Variants in INSL6 observed in about 807,000 individuals in gnomAD.
INSL6 encodes the protein insulin-like peptide INSL6.
A neutral mutation model predicts 9.4 loss-of-function variants in INSL6; 16 were observed. The ratio of observed to expected loss-of-function variants is 1.70; its 90% CI spans 1.15 to 2.59. The LOEUF (loss-of-function observed/expected upper bound fraction) is 2.59, where lower values mean the gene tolerates loss of function less well. Ranked by LOEUF, INSL6 falls within the 30% of genes most tolerant of loss-of-function variation. INSL6 has a pLI of 0.00. For synonymous variants in INSL6, 154 were observed against 96.9 expected (o/e 1.59, Z -3.46); for missense variants, 391 against 257.3 (o/e 1.52, Z -3.56).
the INSL6 span, among the ~76,000 whole-genome samples, chr9:5,013,338 C>A: frequency 6.6e-5 from 10 of 152,282 alleles, 1 homozygote; most frequent in East Asian, 1.3e-3. Context: ...CATAGTATAT[C>A]TACTTGGACT....
chr9:5,056,813 T>A, the INSL6 span, among the ~76,000 whole-genome samples: 1 of 152,202 alleles, frequency 6.6e-6, no homozygotes, highest in Non-Finnish European at 1.5e-5. Flanking sequence ...AAAGAACTTC[T>A]CCATGGGACT....
the INSL6 span, chr9:5,110,799 C>T: frequency 1.4e-5 from 6 of 415,024 alleles, no homozygotes; most frequent in East Asian, 5.7e-5. Flanking sequence ...CCACGCGCGA[C>T]GCCTGGGGGC....
chr9:5,003,149 G>T, the INSL6 span, among the ~76,000 whole-genome samples: 1 of 151,866 alleles, frequency 6.6e-6, no homozygotes, highest in East Asian at 1.9e-4. Context: ...AAATCTTGAT[G>T]TCTGATAATA....
chr9:5,065,068 T>G, the INSL6 span: 4 of 1,450,788 alleles, frequency 2.8e-6, no homozygotes, highest in Non-Finnish European at 2.8e-6. Flanking sequence ...AAAAGTAAAT[T>G]TTTAGAAAAG....
At chr9:5,039,896 T>G in the INSL6 span, among the ~76,000 whole-genome samples, 1 of 152,208 alleles carries the variant, frequency 6.6e-6, no homozygotes, top group Non-Finnish European at 1.5e-5. Flanking sequence ...CCTTAATTGA[T>G]CTGTATGTTC....
the INSL6 span, chr9:5,029,741 GT>G: frequency 6.4e-7 from 1 of 1,552,824 alleles, no homozygotes; most frequent in Admixed American, 1.9e-5. Context: ...AAAATATTCT[GT>G]TGTGTACCTT....
intron 2 of INSL6, among the ~76,000 whole-genome samples, chr9:5,149,290 T>C (rs1470784393): frequency 1.3e-5 from 2 of 152,208 alleles, no homozygotes; most frequent in Non-Finnish European, 2.9e-5. Flanking sequence ...TCAGCAACTG[T>C]ATCTTTTTTC....
intron 1 of INSL6, among the ~76,000 whole-genome samples, chr9:5,164,974 G>A (rs1294807145): frequency 6.6e-6 from 1 of 152,202 alleles, no homozygotes; most frequent in African/African-American, 2.4e-5. Context: ...CTGGGAGGCC[G>A]AGGCGGGCGG....
At chr9:5,176,106 C>A (rs1428061734) in intron 1 of INSL6, among the ~76,000 whole-genome samples, 4 of 152,130 alleles carry the variant, frequency 2.6e-5, no homozygotes, top group Admixed American at 2.6e-4. Context: ...CTACTACTTT[C>A]CTCATTTTCT....
At chr9:5,083,509 G>T in the INSL6 span, among the ~76,000 whole-genome samples, 1 of 152,100 alleles carries the variant, frequency 6.6e-6, no homozygotes, top group Admixed American at 6.5e-5. Context: ...GGAACTTATA[G>T]CATTTATTGT....
the INSL6 span, among the ~76,000 whole-genome samples, chr9:5,101,446 G>A: frequency 6.6e-6 from 1 of 152,366 alleles, no homozygotes; most frequent in Admixed American, 6.5e-5. Context: ...CCACACCTCT[G>A]GGGGCAGGGC....
intron 1 of INSL6, among the ~76,000 whole-genome samples, chr9:5,184,567 A>T (rs1825527445): frequency 6.6e-6 from 1 of 152,220 alleles, no homozygotes; most frequent in African/African-American, 2.4e-5. Flanking sequence ...ATATGCATGA[A>T]ATAGTCCCTA....
the INSL6 span, among the ~76,000 whole-genome samples, chr9:5,066,328 A>G: frequency 6.6e-6 from 1 of 152,130 alleles, no homozygotes. Context: ...TTTCTGATAT[A>G]TAATCTTTAT....
chr9:5,159,946 G>T (rs1166199865), downstream of INSL6, among the ~76,000 whole-genome samples: 1 of 152,160 alleles, frequency 6.6e-6, no homozygotes, highest in Admixed American at 6.5e-5. Context: ...AGGCCAGGGC[G>T]GGTGGATCAC....
the INSL6 span, among the ~76,000 whole-genome samples, chr9:5,079,027 G>A: frequency 4.6e-5 from 7 of 152,268 alleles, no homozygotes; most frequent in African/African-American, 1.7e-4. Context: ...CTAATTGGAT[G>A]TTCTAAATTT....
At chr9:5,110,863 C>T in the INSL6 span, 5 of 494,818 alleles carry the variant, frequency 1.0e-5, no homozygotes, top group African/African-American at 3.9e-5. Context: ...TTCATGCCGC[C>T]GCGCCCAGCA....
At chr9:5,085,577 G>C in the INSL6 span, 3 of 692,742 alleles carry the variant, frequency 4.3e-6, no homozygotes, top group Non-Finnish European at 8.1e-6. Context: ...TTTCCAGTTT[G>C]TGCCCCACCT....
intron 3 of INSL6, among the ~76,000 whole-genome samples, chr9:5,133,271 C>T (rs114358057): frequency 0.012 from 1,786 of 152,098 alleles, 65 homozygotes; most frequent in African/African-American, 0.039. Flanking sequence ...TTAGAGTGTG[C>T]TCATATAGAC....
downstream of INSL6, chr9:5,163,749 A>G: frequency 1.7e-6 from 1 of 586,870 alleles, no homozygotes; most frequent in Non-Finnish European, 3.0e-6. Flanking sequence ...GGGTCACCAA[A>G]GAAAATACTA....
Sources: gnomAD v4.1 joint callset for allele counts (sites outside exome capture counted in the v4.1 genomes callset) on GRCh38, gnomAD v4.1.1 for gene constraint, MANE v1.5 for transcripts, NCBI Gene and HGNC (gene_info 2026-07-23, HGNC 2026-07-21) for gene names.